The following BIN3 variants were observed in gnomAD, a reference collection of about 807,000 sequenced individuals.
The protein encoded by BIN3 is bridging integrator 3.
In BIN3, 41 loss-of-function variants were observed where a neutral mutation model predicts 38.2. The ratio of observed to expected loss-of-function variants is 1.07; its 90% CI spans 0.84 to 1.39. The LOEUF is 1.39. Ranked by LOEUF, BIN3 falls within the 40% of genes most tolerant of loss-of-function variation. The pLI is 0.00. For missense variants in BIN3, 361 were observed against 324.3 expected (o/e 1.11, Z -0.87); for synonymous variants, 145 against 122.6 (o/e 1.18, Z -1.21).
At chr8:22,636,815 C>T in intron 3 of BIN3, 107 bp downstream of exon 3, 1 of 1,307,152 alleles carries the variant, frequency 7.7e-7, no homozygotes, top group South Asian at 1.2e-5. Context: ...CTGCCCTCAG[C>T]TTCCAGGGTG....
At chr8:22,662,059 C>T (rs149401560) in intron 1 of BIN3, among the ~76,000 whole-genome samples, 7 of 152,244 alleles carry the variant, frequency 4.6e-5, no homozygotes, top group East Asian at 1.9e-4. Flanking sequence ...CCTCCCAAAG[C>T]GCTGGGATTA....
At chr8:22,640,072 G>C (rs1476644577) in intron 2 of BIN3, among the ~76,000 whole-genome samples, 1 of 151,956 alleles carries the variant, frequency 6.6e-6, no homozygotes, top group East Asian at 1.9e-4. Context: ...ATGTTGGTCA[G>C]GCTGGCCTCG....
Position 22,623,919 on chromosome 8 carries a change from G to A in BIN3, c.611C>T (p.Ala204Val), listed in dbSNP as rs1363351942. The part of the protein sequence containing the change: ...FQPSFESLIR[A>V]QVVYYSEMHK... ...AAGAGCACCTGGCGGCCTCACCTGA[G>A]CTCGGATGAGGGACTCAAAGCTGGG... The change falls in exon 8 of 9, where the codon GCT becomes GTT. Residue 204 changes from alanine to valine, a missense_variant. Transcript: ENST00000276416. 1 of 1,611,576 alleles carries A rather than the reference G, an allele frequency of 6.2e-7. No homozygotes were observed. The highest frequency in any genetic ancestry group is 8.5e-7 in the Non-Finnish European group (1 of 1,179,280).
chr8:22,628,266 T>G (rs1802067978), intron 6 of BIN3, among the ~76,000 whole-genome samples: 1 of 152,166 alleles, frequency 6.6e-6, no homozygotes, highest in Non-Finnish European at 1.5e-5. Context: ...GCAGGGAGGC[T>G]GGGGGCGGTG....
At chr8:22,640,936 T>G (rs544140177) in intron 2 of BIN3, among the ~76,000 whole-genome samples, 3 of 152,256 alleles carry the variant, frequency 2.0e-5, no homozygotes, top group African/African-American at 4.8e-5. Flanking sequence ...TGAGAGGAGT[T>G]TGGACACATT....
At chr8:22,658,603 C>A (rs945470557) in intron 1 of BIN3, among the ~76,000 whole-genome samples, 1 of 152,214 alleles carries the variant, frequency 6.6e-6, no homozygotes, top group Non-Finnish European at 1.5e-5. Flanking sequence ...GGGGAGGGAT[C>A]CCCTGGTCAC....
Position 22,648,939 on chromosome 8 carries a change from G to C in BIN3, c.9-4136C>G, listed in dbSNP as rs73671245. On this transcript the variant is annotated intron_variant, in intron 1 of 8. Transcript: ENST00000276416. ...TGTATGTATGTATGTATGTATGTAT[G>C]TAAGTGTGTGTGTGTATTTCCTTAC... 7.9e-3 allele frequency among the ~76,000 whole-genome samples: 1,196 copies of C among 151,964 alleles called. 16 individuals are homozygous for C. The highest frequency in any genetic ancestry group is 0.027 in the African/African-American group (1,115 of 41,378).
intron 4 of BIN3, among the ~76,000 whole-genome samples, chr8:22,635,572 G>A (rs908840781): frequency 1.3e-5 from 2 of 152,238 alleles, no homozygotes; most frequent in African/African-American, 2.4e-5. Context: ...CGGACACCCC[G>A]AGAGCTGACC....
chr8:22,662,502 G>A (rs529695500), intron 1 of BIN3, among the ~76,000 whole-genome samples: 5 of 152,300 alleles, frequency 3.3e-5, no homozygotes, highest in African/African-American at 1.2e-4. Flanking sequence ...TATGGAATAA[G>A]TTCTTATAAA....
At chr8:22,662,544 TTC>T (rs535336533) in intron 1 of BIN3, among the ~76,000 whole-genome samples, 58 of 152,340 alleles carry the variant, frequency 3.8e-4, no homozygotes, top group African/African-American at 1.4e-3. Flanking sequence ...CAGCTGCCCC[TTC>T]TGTTATTTTT....
At chr8:22,661,600 T>C (rs1803239801) in intron 1 of BIN3, among the ~76,000 whole-genome samples, 1 of 151,782 alleles carries the variant, frequency 6.6e-6, no homozygotes. Flanking sequence ...TCAAGTGATC[T>C]GCTTGCCTTG....
intron 4 of BIN3, 79 bp downstream of exon 4, chr8:22,636,446 C>G (rs1018643165): frequency 2.8e-6 from 4 of 1,449,372 alleles, no homozygotes; most frequent in Non-Finnish European, 3.8e-6. Flanking sequence ...ACTTCAGAGC[C>G]CTTGGGGGGC....
At chr8:22,638,719 C>G (rs1802447421) in intron 2 of BIN3, among the ~76,000 whole-genome samples, 1 of 151,716 alleles carries the variant, frequency 6.6e-6, no homozygotes, top group Non-Finnish European at 1.5e-5. Context: ...AATCCAGAAG[C>G]AGGAAAAAAA....
Position 22,668,919 on chromosome 8 carries a change from G to A in BIN3, c.8+125C>T, listed in dbSNP as rs149659058. 998 of 1,292,220 alleles carry A rather than the reference G, an allele frequency of 7.7e-4. 5 individuals carry two copies. In the African/African-American group the frequency reaches 0.013, roughly 17 times the overall value. 80.0% of individuals were successfully genotyped at this position (1,292,220 alleles called of 1,614,324 possible). ...GAACGACCCTAGGGCAGGGGCTGTCGGGCCTTGCTCTGGGGCGGAGGGGTC... is the reference window on the plus strand; with the variant it reads ...GAACGACCCTAGGGCAGGGGCTGTCAGGCCTTGCTCTGGGGCGGAGGGGTC... On this transcript the variant is annotated intron_variant, in intron 1 of 8. Coordinates refer to ENST00000276416, the MANE Select transcript of BIN3 (RefSeq NM_018688.6).
At chr8:22,646,235 C>T in intron 1 of BIN3, among the ~76,000 whole-genome samples, 1 of 152,232 alleles carries the variant, frequency 6.6e-6, no homozygotes, top group Admixed American at 6.5e-5. Flanking sequence ...AAAGGGTAGA[C>T]TCCCGATCCC....
At chr8:22,642,626 T>G (rs1802599543) in intron 2 of BIN3, among the ~76,000 whole-genome samples, 1 of 152,240 alleles carries the variant, frequency 6.6e-6, no homozygotes, top group Non-Finnish European at 1.5e-5. Context: ...GACACTGTGT[T>G]AGGTGCCTTC....
Position 22,645,051 on chromosome 8 carries a change from G to A in BIN3, c.9-248C>T, listed in dbSNP as rs372114417. ...TCTGCCCCAGAACATCTTTGCTACT[G>A]ATAGTCTGTCATTTAAAGAAAATGA... On this transcript the variant is annotated intron_variant, in intron 1 of 8. Transcript: ENST00000276416. Among the ~76,000 whole-genome samples the A allele has an allele frequency of 6.8e-4, 104 of 152,066 alleles. 1 individual carries two copies. The highest frequency in any genetic ancestry group is 2.5e-3 in the African/African-American group (102 of 41,492).
At chr8:22,662,072 G>GA (rs1184618470) in intron 1 of BIN3, among the ~76,000 whole-genome samples, 1 of 152,202 alleles carries the variant, frequency 6.6e-6, no homozygotes. Context: ...TGGGATTACA[G>GA]GCGTGAGCCA....
chr8:22,661,514 C>T (rs1254777539), intron 1 of BIN3, among the ~76,000 whole-genome samples: 5 of 151,210 alleles, frequency 3.3e-5, no homozygotes, highest in African/African-American at 7.3e-5. Flanking sequence ...TGCACCACCA[C>T]GCCTGGCTAA....
Sources: gnomAD v4.1 joint callset for allele counts (sites outside exome capture counted in the v4.1 genomes callset) on GRCh38, gnomAD v4.1.1 for gene constraint, MANE v1.5 for transcripts, NCBI Gene and HGNC (gene_info 2026-07-23, HGNC 2026-07-21) for gene names.